Variants in KCNAB2 observed in about 807,000 individuals in gnomAD.
KCNAB2 encodes voltage-gated potassium channel subunit beta-2.
In KCNAB2, 29 loss-of-function variants were observed where a neutral mutation model predicts 63.6. The ratio of observed to expected loss-of-function variants is 0.46; its 90% CI spans 0.34 to 0.62. The LOEUF is 0.62. Among genes scored for constraint, KCNAB2 ranks in the 20% least tolerant of loss-of-function variants. KCNAB2 has a pLI of 0.01. For missense variants in KCNAB2, 359 were observed against 563.9 expected (o/e 0.64, Z 3.68); for synonymous variants, 222 against 224.2 (o/e 0.99, Z 0.09).
intron 1 of KCNAB2, among the ~76,000 whole-genome samples, chr1:6,020,960 C>T (rs1373874519): frequency 6.6e-6 from 1 of 152,118 alleles, no homozygotes; most frequent in African/African-American, 2.4e-5. Flanking sequence ...ACCTGTAAAC[C>T]TGTAAGGCCA....
upstream of KCNAB2, among the ~76,000 whole-genome samples, chr1:6,044,091 C>T (rs1307874285): frequency 1.3e-5 from 2 of 152,120 alleles, no homozygotes; most frequent in African/African-American, 4.8e-5. Context: ...GGGGTCAGAG[C>T]GCTGTCACCT....
chr1:6,080,030 C>G (rs1316019774), intron 4 of KCNAB2, among the ~76,000 whole-genome samples: 2 of 152,292 alleles, frequency 1.3e-5, no homozygotes, highest in South Asian at 4.1e-4. Flanking sequence ...TAGTGTGCCA[C>G]CCCTCCTGGA....
chr1:6,013,236 G>A (rs533265752), intron 1 of KCNAB2, among the ~76,000 whole-genome samples: 40 of 152,280 alleles, frequency 2.6e-4, no homozygotes, highest in African/African-American at 9.1e-4. Context: ...AGCAGGAAAC[G>A]AGACAGACCC....
Position 6,045,912 on chromosome 1 carries a change from C to G in KCNAB2, c.-298C>G. ...GAGTCAGCCTTGCCAGGTTGCAGCA[C>G]GGAACTGCACTTCCCGAGCTTTTAG... is the stretch of plus-strand genomic sequence containing the variant. On this transcript the variant is annotated 5_prime_UTR_variant, in exon 1 of 16. Coordinates refer to ENST00000378083, the MANE Select transcript of KCNAB2 (RefSeq NM_001199862.2). The surrounding 1 kb of genome is among the most constrained non-coding windows in gnomAD (Gnocchi z 4.8). 1 of 985,436 alleles carries G rather than the reference C, an allele frequency of 1.0e-6. No homozygotes were observed. The highest frequency in any genetic ancestry group is 1.2e-6 in the Non-Finnish European group (1 of 829,930). 61.0% of individuals were successfully genotyped at this position (985,436 alleles called of 1,614,324 possible).
Position 6,096,962 on chromosome 1 carries a change from T to G in KCNAB2, c.1069+206T>G, listed in dbSNP as rs571743437. Among the ~76,000 whole-genome samples the G allele has an allele frequency of 6.6e-6, 1 of 151,544 alleles. No homozygotes were observed. Among genetic ancestry groups the G allele is most frequent in the East Asian group, 2.0e-4 (1 of 5,124 alleles). On this transcript the variant is annotated intron_variant, in intron 14 of 15. Transcript: ENST00000378083. This position sits in a 1 kb window ranked among gnomAD's most constrained non-coding sequence, Gnocchi z 5.9. ...CATGCCTCTAGGGGGATGTCAGGAG[T>G]CCCTGAGGACCTGGGCCACCCCCTC...
At chr1:6,032,880 A>G (rs1659735139), upstream of KCNAB2, among the ~76,000 whole-genome samples, 1 of 152,206 alleles carries the variant, frequency 6.6e-6, no homozygotes, top group African/African-American at 2.4e-5. Context: ...CGTTTCAAAA[A>G]AGGTCAATGT....
rs952364946 is a variant in KCNAB2, at chr1:6,003,404, C to T, written c.-53+10616C>T. The stretch of plus-strand genomic sequence containing the variant: ...AGGGGTTCCTCCCCACTCGCTCGCT[C>T]GGCTGCCTTCAGCCCCTGCAGACAC... On this transcript the variant is annotated intron_variant, in intron 1 of 16. Coordinates refer to the KCNAB2 transcript ENST00000341524. The surrounding 1 kb of genome is among the most constrained non-coding windows in gnomAD (Gnocchi z 4.1). 2.6e-5 allele frequency among the ~76,000 whole-genome samples: 4 copies of T among 152,212 alleles called. No individual in the cohort carries two copies. The highest frequency in any genetic ancestry group is 6.5e-5 in the Admixed American group (1 of 15,288).
chr1:6,049,561 CA>C (rs369724485), intron 1 of KCNAB2, among the ~76,000 whole-genome samples: 8 of 152,224 alleles, frequency 5.3e-5, no homozygotes, highest in African/African-American at 1.9e-4. Context: ...GACAGCACAG[CA>C]GGCTCCCCAA....
upstream of KCNAB2, among the ~76,000 whole-genome samples, chr1:6,042,181 C>T (rs1170418408): frequency 1.3e-5 from 2 of 152,190 alleles, no homozygotes; most frequent in African/African-American, 4.8e-5. Context: ...ACTCATCAGG[C>T]AGTGAGGGAG....
At chr1:6,088,671 C>T (rs1431003142) in intron 7 of KCNAB2, among the ~76,000 whole-genome samples, 2 of 151,614 alleles carry the variant, frequency 1.3e-5, no homozygotes. Context: ...GCGTGAGCCA[C>T]TGTGCCCAGC....
In KCNAB2 at chr1:6,087,362, G is replaced by A. The variant is rs147176335; in HGVS notation, c.426-105G>A. 5.1e-5 allele frequency: 64 copies of A among 1,243,730 alleles called. No individual in the cohort carries two copies. The African/African-American group carries it at 7.7e-4, about 15-fold the overall frequency. The allele number at this position is 1,243,730 out of a possible 1,614,324, so 77.0% of individuals were successfully genotyped here. ...TTTCATGCCCCAGGCTCCTGGGTGG[G>A]AGGGCTTTCAGGACCTCTGTGTGAG... On this transcript the variant is annotated intron_variant, in intron 6 of 15. Transcript: ENST00000378083. This position sits in a 1 kb window ranked among gnomAD's most constrained non-coding sequence, Gnocchi z 6.4.
In KCNAB2 at chr1:6,098,298, T is replaced by C. The variant is rs551022458; in HGVS notation, c.1159-187T>C. 3.5e-6 allele frequency: 5 copies of C among 1,411,252 alleles called. No individual in the cohort carries two copies. The African/African-American group carries it at 5.8e-5, about 16-fold the overall frequency. The allele number at this position is 1,411,252 out of a possible 1,614,324, so 87.4% of individuals were successfully genotyped here. On this transcript the variant is annotated intron_variant, in intron 15 of 15. Transcript: ENST00000378083. Reference sequence around the variant, plus strand: ...AGTGCACAGACCCAGGCATGCTTCCTCTCTGCCCCAAACCTTCTGAAACAC... The same window carrying C: ...AGTGCACAGACCCAGGCATGCTTCCCCTCTGCCCCAAACCTTCTGAAACAC...
intron 1 of KCNAB2, among the ~76,000 whole-genome samples, chr1:6,004,551 C>T (rs751136796): frequency 3.3e-5 from 5 of 151,816 alleles, no homozygotes; most frequent in Admixed American, 6.6e-5. Context: ...GGTGGCTGCC[C>T]GTAGTGTTCC....
At chr1:6,033,300 CAT>C (rs568478161), upstream of KCNAB2, among the ~76,000 whole-genome samples, 40 of 146,270 alleles carry the variant, frequency 2.7e-4, no homozygotes, top group Non-Finnish European at 4.6e-4. Flanking sequence ...TGTGGGTGTG[CAT>C]ATGTGTGTGT....
intron 2 of KCNAB2, among the ~76,000 whole-genome samples, chr1:6,065,169 C>T (rs1468128771): frequency 1.3e-5 from 2 of 152,212 alleles, no homozygotes; most frequent in Non-Finnish European, 2.9e-5. Context: ...AGGCTGTGAC[C>T]GGAGCAAGCA....
In KCNAB2 at chr1:6,071,709, A is replaced by G. The variant is rs1663203692; in HGVS notation, c.219-1046A>G. Among the ~76,000 whole-genome samples the G allele has an allele frequency of 6.6e-6, 1 of 151,486 alleles. No individual in the cohort carries two copies. The highest frequency in any genetic ancestry group is 2.4e-5 in the African/African-American group (1 of 41,168). ...CTGCGTAGGACTCCTGCCGCCGCAT[A>G]GGGCTCTGCTGCGTAGGACTCCTGC... On this transcript the variant is annotated intron_variant, in intron 2 of 15. Transcript: ENST00000378083. This position sits in a 1 kb window ranked among gnomAD's most constrained non-coding sequence, Gnocchi z 8.5.
chr1:6,002,579 A>G (rs1317937410), intron 1 of KCNAB2, among the ~76,000 whole-genome samples: 2 of 152,364 alleles, frequency 1.3e-5, no homozygotes, highest in African/African-American at 4.8e-5. Flanking sequence ...CGATGAGGAC[A>G]CAGCTTGTGT....
intron 10 of KCNAB2, among the ~76,000 whole-genome samples, chr1:6,093,154 G>A (rs1439393273): frequency 6.6e-6 from 1 of 152,210 alleles, no homozygotes; most frequent in Non-Finnish European, 1.5e-5. Context: ...AGCATTTTCA[G>A]GACCTCAGCT....
Position 6,069,351 on chromosome 1 carries a change from T to C in KCNAB2, c.219-3404T>C, listed in dbSNP as rs1663006929. Among the ~76,000 whole-genome samples, 1 of 152,178 alleles carries C rather than the reference T, an allele frequency of 6.6e-6. No individual in the cohort carries two copies. The highest frequency in any genetic ancestry group is 1.5e-5 in the Non-Finnish European group (1 of 68,030). The stretch of plus-strand genomic sequence containing the variant: ...CTCCTCTTTGTAAAATGACCTGTCA[T>C]TTCCCGGAGCCTTCCAGCTCCGGCC... On this transcript the variant is annotated intron_variant, in intron 2 of 15. Transcript: ENST00000378083. The surrounding 1 kb of genome is among the most constrained non-coding windows in gnomAD (Gnocchi z 5.4).
Sources: gnomAD v4.1 joint callset for allele counts (sites outside exome capture counted in the v4.1 genomes callset) on GRCh38, gnomAD v4.1.1 for gene constraint, Gnocchi (gnomAD v3.1) non-coding constraint, MANE v1.5 for transcripts, NCBI Gene and HGNC (gene_info 2026-07-23, HGNC 2026-07-21) for gene names.